PPFIA4: variants seen among roughly 807,000 people sequenced by gnomAD.
PPFIA4 encodes the protein PPFI scaffold protein A4.
In PPFIA4, 98 loss-of-function variants were observed where a neutral mutation model predicts 145.7. The observed-to-expected ratio is 0.67, with a 90% confidence interval of 0.57 to 0.80. PPFIA4 has a LOEUF of 0.80. Ranked by LOEUF, PPFIA4 falls within the 30% of genes least tolerant of loss-of-function variation. The pLI is 0.00. For missense variants in PPFIA4, 1,457 were observed against 1,632.7 expected, an observed-to-expected ratio of 0.89 and a Z score of 1.85; for synonymous variants, 628 against 649.6, an observed-to-expected ratio of 0.97 and a Z score of 0.51.
At chr1:203,030,442 G>T (rs566073070) in intron 1 of PPFIA4, among the ~76,000 whole-genome samples, 1 of 152,206 alleles carries the variant, frequency 6.6e-6, no homozygotes, top group South Asian at 2.1e-4. Flanking sequence ...GGACATGCAG[G>T]GGGGTGACCC....
chr1:203,044,881 G>A (rs920868279), intron 6 of PPFIA4, 96 bp downstream of exon 6: 1 of 997,602 alleles, frequency 1.0e-6, no homozygotes, highest in Non-Finnish European at 1.5e-6. Flanking sequence ...CTAACTGCTT[G>A]AATTAAATTT....
chr1:203,038,955 C>T lies in PPFIA4; in HGVS notation c.-54C>T, dbSNP rs117745172. On this transcript the variant is annotated 5_prime_UTR_variant, in exon 2 of 30. Coordinates refer to ENST00000295706, the MANE Select transcript of PPFIA4 (RefSeq NM_001304331.2). ...ACTGGGTTCCCCTGGAGGTGCCAAC[C>T]CTGTGAGTCCCTCCCTGTCCCCTGA... 2.9e-5 allele frequency: 29 copies of T among 1,012,142 alleles called. No individual in the cohort carries two copies. In the East Asian group the frequency reaches 3.9e-4, roughly 14 times the overall value. The allele number at this position is 1,012,142 out of a possible 1,614,324, so 62.7% of individuals were successfully genotyped here. A position where few individuals can be genotyped will look rare whatever the true frequency, so the allele number is the denominator to read the frequency against.
chr1:203,071,803 A>G (rs772512555), intron 28 of PPFIA4, 43 bp downstream of exon 28: 5 of 1,513,792 alleles, frequency 3.3e-6, no homozygotes, highest in Non-Finnish European at 2.7e-6. Context: ...GGATTTGGTC[A>G]TCTTCGTTGG....
chr1:203,057,440 G>T (rs1255639134), intron 19 of PPFIA4, among the ~76,000 whole-genome samples: 1 of 152,218 alleles, frequency 6.6e-6, no homozygotes, highest in Non-Finnish European at 1.5e-5. Flanking sequence ...TTAGGCAAGC[G>T]TGGCATCGTT....
At chr1:203,046,536 G>C (rs918617965) in intron 9 of PPFIA4, 154 bp downstream of exon 9, 1 of 839,802 alleles carries the variant, frequency 1.2e-6, no homozygotes, top group Non-Finnish European at 1.8e-6. Flanking sequence ...ACTGCCTTGT[G>C]CCTGTCAGTT....
chr1:203,053,648 AGC>A (rs1469426352), intron 14 of PPFIA4, 103 bp from the exon 15 acceptor site: 18 of 899,098 alleles, frequency 2.0e-5, no homozygotes, highest in Non-Finnish European at 3.1e-5. Flanking sequence ...ATTTCCAGCA[AGC>A]TCCCAGGAGA....
At chr1:203,045,646 AAC>A in intron 7 of PPFIA4, 87 bp downstream of exon 7, 1 of 1,462,732 alleles carries the variant, frequency 6.8e-7, no homozygotes, top group Non-Finnish European at 9.1e-7. Context: ...CGTGAGACTG[AAC>A]ACCTGCCTCC....
chr1:203,045,675 T>C, intron 7 of PPFIA4, 116 bp downstream of exon 7: 1 of 1,447,558 alleles, frequency 6.9e-7, no homozygotes, highest in Non-Finnish European at 9.3e-7. Context: ...GGCTCCATTG[T>C]TGGGGGGCGG....
intron 1 of PPFIA4, among the ~76,000 whole-genome samples, chr1:203,034,082 C>T (rs10920548): frequency 0.13 from 20,423 of 151,518 alleles, 1,873 homozygotes; most frequent in African/African-American, 0.25. Context: ...GTAAGAGAAG[C>T]CCCTTGAAGA....
In PPFIA4 at chr1:203,077,430, A is replaced by G. The variant is rs940759948; in HGVS notation, c.*1040A>G. The G allele has an allele frequency of 2.6e-5, 4 of 152,146 alleles. No individual in the cohort carries two copies. Among genetic ancestry groups the G allele is most frequent in the Non-Finnish European group, 2.9e-5 (2 of 68,022 alleles). 9.4% of individuals were successfully genotyped at this position (152,146 alleles called of 1,614,324 possible). On this transcript the variant is annotated 3_prime_UTR_variant, in exon 30 of 30. Coordinates refer to ENST00000295706, the MANE Select transcript of PPFIA4 (RefSeq NM_001304331.2). ...AACCTAATGGGTGGATTGAATATAC[A>G]TTGAGCCCAAAGTCAAGTTTGGGGA...
At chr1:203,069,374 T>C (rs1661968637) in intron 27 of PPFIA4, among the ~76,000 whole-genome samples, 1 of 152,220 alleles carries the variant, frequency 6.6e-6, no homozygotes, top group South Asian at 2.1e-4. Flanking sequence ...AACTACCTCC[T>C]CTTGATGGTT....
chr1:203,059,313 C>T (rs1661202137), intron 20 of PPFIA4, 42 bp downstream of exon 20: 1 of 1,420,548 alleles, frequency 7.0e-7, no homozygotes, highest in Non-Finnish European at 9.7e-7. Flanking sequence ...GGGGCCCAGC[C>T]CCCTACCCAC....
chr1:203,050,533 C>T (rs1036420126), intron 13 of PPFIA4, among the ~76,000 whole-genome samples: 1 of 152,108 alleles, frequency 6.6e-6, no homozygotes, highest in African/African-American at 2.4e-5. Context: ...TTGCCGTTCC[C>T]TTTGGTCATG....
intron 1 of PPFIA4, among the ~76,000 whole-genome samples, chr1:203,028,099 G>A (rs1416425245): frequency 6.6e-6 from 1 of 152,190 alleles, no homozygotes; most frequent in Non-Finnish European, 1.5e-5. Flanking sequence ...GTTATTGGGG[G>A]CCAAGAATGT....
chr1:203,061,894 C>T (rs1371995424), intron 24 of PPFIA4, among the ~76,000 whole-genome samples: 1 of 151,968 alleles, frequency 6.6e-6, no homozygotes, highest in Non-Finnish European at 1.5e-5. Flanking sequence ...CCCTGGAGGA[C>T]TGTGGCCCCT....
intron 1 of PPFIA4, among the ~76,000 whole-genome samples, chr1:203,029,462 C>T (rs1658667988): frequency 2.6e-5 from 4 of 152,264 alleles, no homozygotes; most frequent in African/African-American, 7.2e-5. Context: ...AGTGTTTGGT[C>T]ACATGCTTCT....
At position 203,060,361 on chromosome 1, in the gene PPFIA4, G is replaced by A; in HGVS notation, c.2728G>A (p.Ala910Thr). ...NALHRLKLRL[A>T]IQEMVSLTSP... ...CCTGCACCGGCTCAAGCTCCGCCTG[G>A]CCATTCAGGAGATGGTGTCATTGAC... is the stretch of plus-strand genomic sequence containing the variant. The change falls in exon 22 of 30, where the codon GCC (alanine) becomes ACC (threonine). Residue 910 changes from alanine to threonine, a missense_variant. Around this residue, in one of 3 missense-constraint regions of PPFIA4, gnomAD observed 848 missense variants for 1,046.7 expected, o/e 0.81. Coordinates refer to ENST00000295706, the MANE Select transcript of PPFIA4 (RefSeq NM_001304331.2). This position sits in a 1 kb window ranked among gnomAD's most constrained non-coding sequence, Gnocchi z 4.8. 1 of 1,613,988 alleles carries A rather than the reference G, an allele frequency of 6.2e-7. No individual in the cohort carries two copies. Among genetic ancestry groups the A allele is most frequent in the East Asian group, 2.2e-5 (1 of 44,876 alleles).
At position 203,053,786 on chromosome 1, in the gene PPFIA4, G is replaced by A; in HGVS notation, c.1654G>A (p.Ala552Thr). The change falls in exon 15 of 30, where the codon GCC becomes ACC. Residue 552 changes from alanine to threonine, a missense_variant. This residue lies in a region of PPFIA4 where 848 missense variants were observed against 1,046.7 expected (regional missense o/e 0.81). Coordinates refer to ENST00000295706, the MANE Select transcript of PPFIA4 (RefSeq NM_001304331.2). ...WETSPLPGML[A>T]PAAGPAFDSD... ...GACTTCTCCACTGCCTGGGATGCTG[G>A]CCCCGGCAGCTGGCCCTGCCTTTGA... 1 of 1,551,830 alleles carries A rather than the reference G, an allele frequency of 6.4e-7. No individual in the cohort carries two copies.
chr1:203,045,307 G>T, intron 6 of PPFIA4, 61 bp from the exon 7 acceptor site: 1 of 1,412,482 alleles, frequency 7.1e-7, no homozygotes, highest in South Asian at 1.4e-5. Context: ...CCCTGGGATA[G>T]GGGAGTGGGG....
Sources: allele counts gnomAD v4.1 joint callset (sites outside exome capture counted in the v4.1 genomes callset), GRCh38; gene constraint gnomAD v4.1.1; regional missense constraint gnomAD v4.1.1; non-coding constraint Gnocchi (gnomAD v3.1); transcripts MANE v1.5; gene names NCBI Gene and HGNC (gene_info 2026-07-23, HGNC 2026-07-21).